The following AFF1 variants were observed in gnomAD, a reference collection of about 807,000 sequenced individuals.
AFF1 encodes the protein AF4/FMR2 family member 1.
Under a neutral mutation model 121.7 loss-of-function variants are expected in AFF1, and 48 were observed. That is an observed-to-expected ratio of 0.39 (90% CI 0.31 to 0.50). The LOEUF (loss-of-function observed/expected upper bound fraction) is 0.50, where lower values mean the gene tolerates loss of function less well. Among genes scored for constraint, AFF1 ranks in the 20% least tolerant of loss-of-function variants. The probability of loss-of-function intolerance (pLI) is 0.76; values close to 1 mark genes in which losing one functional copy is unlikely to be tolerated. For synonymous variants in AFF1, 613 were observed against 563.0 expected, an observed-to-expected ratio of 1.09 and a Z score of -1.26; for missense variants, 1,523 against 1,511.7, an observed-to-expected ratio of 1.01 and a Z score of -0.12.
At chr4:86,960,448 C>T (rs925019724) in intron 2 of AFF1, among the ~76,000 whole-genome samples, 2 of 152,192 alleles carry the variant, frequency 1.3e-5, no homozygotes, top group Admixed American at 1.3e-4. Flanking sequence ...AGGAAAACTC[C>T]TTTATTCCTG....
intron 2 of AFF1, among the ~76,000 whole-genome samples, chr4:86,992,361 C>T (rs1724797649): frequency 6.6e-6 from 1 of 152,148 alleles, no homozygotes; most frequent in African/African-American, 2.4e-5. Flanking sequence ...TGTGCATGCT[C>T]AGTAAATTCA....
chr4:87,046,566 G>T, intron 3 of AFF1, 129 bp from the exon 4 acceptor site: 1 of 1,054,600 alleles, frequency 9.5e-7, no homozygotes. Context: ...GAGTTAAAAT[G>T]GCACATTAAA....
intron 2 of AFF1, among the ~76,000 whole-genome samples, chr4:86,967,153 T>G (rs1167369471): frequency 1.3e-5 from 2 of 152,184 alleles, no homozygotes; most frequent in Non-Finnish European, 2.9e-5. Flanking sequence ...GTAGGAGTAG[T>G]ACCTCAGCAT....
Position 87,032,387 on chromosome 4 carries a change from AGAAAC to A in AFF1, c.39-13776_39-13772del, listed in dbSNP as rs573171798. On this transcript the variant is annotated intron_variant, in intron 2 of 20. Transcript: ENST00000395146. ...TTATGACATTAAGCTTTCTTTCTGT[AGAAAC>A]GAGTGTGGCGTGTGTAATTAAATAA... is the stretch of plus-strand genomic sequence containing the variant. 2.2e-3 allele frequency among the ~76,000 whole-genome samples: 338 copies of A among 152,360 alleles called. 1 individual carries two copies. The highest frequency in any genetic ancestry group is 5.4e-3 in the African/African-American group (224 of 41,580).
chr4:87,085,775 GTCTC>G (rs201595552), intron 5 of AFF1, among the ~76,000 whole-genome samples: 1 of 147,990 alleles, frequency 6.8e-6, no homozygotes, highest in Admixed American at 6.9e-5. Flanking sequence ...TTGAGACAGA[GTCTC>G]TCTCTGTCGC....
At chr4:86,956,166 C>T (rs934030398) in intron 2 of AFF1, among the ~76,000 whole-genome samples, 4 of 152,188 alleles carry the variant, frequency 2.6e-5, no homozygotes, top group Non-Finnish European at 4.4e-5. Context: ...GCCTGATTTA[C>T]AAGTGCAATA....
intron 12 of AFF1, among the ~76,000 whole-genome samples, chr4:87,122,881 TAAA>T (rs3036188): frequency 2.9e-4 from 28 of 96,640 alleles, no homozygotes; most frequent in African/African-American, 7.2e-4. Flanking sequence ...GGAAAATTAG[TAAA>T]AAAAAAAAAA....
At chr4:87,013,091 T>C (rs1038876012) in intron 2 of AFF1, among the ~76,000 whole-genome samples, 2 of 140,598 alleles carry the variant, frequency 1.4e-5, no homozygotes, top group African/African-American at 5.3e-5. Context: ...TTGCCCAGGC[T>C]GGAGTGCAAT....
rs778372462 is a variant in AFF1, at chr4:87,114,690, T to C, written c.1857T>C (p.Ser619=). Residue 619 remains serine (S), a synonymous_variant, in exon 12 of 21, where the codon TCT becomes TCC. Coordinates refer to ENST00000395146, the MANE Select transcript of AFF1 (RefSeq NM_001166693.3). Reference sequence around the variant, plus strand: ...AACCCAAAAAACCTGTCAAGGCCTCTGCCCGGGCAGGTTCACGGACCAGCC... The same window carrying C: ...AACCCAAAAAACCTGTCAAGGCCTCCGCCCGGGCAGGTTCACGGACCAGCC... ...TKQPKKPVKA[S]ARAGSRTSLQ... is the part of the protein sequence containing the mutation. The C allele has an allele frequency of 2.5e-6, 4 of 1,611,208 alleles. No homozygotes were observed. In the Admixed American group the frequency reaches 5.0e-5, roughly 20 times the overall value.
intron 19 of AFF1, among the ~76,000 whole-genome samples, chr4:87,133,866 A>T (rs1302429785): frequency 1.3e-5 from 2 of 152,242 alleles, no homozygotes; most frequent in Non-Finnish European, 2.9e-5. Context: ...GAGGAGATAG[A>T]GTCTTCTGAT....
intron 4 of AFF1, chr4:87,049,867 A>G (rs944492054): frequency 1.6e-5 from 6 of 386,576 alleles, no homozygotes; most frequent in East Asian, 1.5e-4. Context: ...GGAGTCGTCA[A>G]TCCGGGAAGT....
intron 16 of AFF1, among the ~76,000 whole-genome samples, chr4:87,129,321 C>T (rs1229769105): frequency 6.6e-6 from 1 of 152,192 alleles, no homozygotes; most frequent in Non-Finnish European, 1.5e-5. Context: ...TTCTTCTCTA[C>T]GTTATCTTCA....
intron 2 of AFF1, among the ~76,000 whole-genome samples, chr4:87,003,876 T>C (rs1415264443): frequency 6.6e-6 from 1 of 152,242 alleles, no homozygotes; most frequent in African/African-American, 2.4e-5. Flanking sequence ...TGTTGTCCGA[T>C]ATAGATTTCT....
chr4:86,968,729 G>A (rs74824532), intron 2 of AFF1, among the ~76,000 whole-genome samples: 290 of 152,308 alleles, frequency 1.9e-3, no homozygotes, highest in Non-Finnish European at 3.1e-3. Context: ...TATAAATCAC[G>A]AAGGCAGCTC....
At chr4:87,122,669 T>TA (rs1275015257) in intron 12 of AFF1, among the ~76,000 whole-genome samples, 2 of 152,186 alleles carry the variant, frequency 1.3e-5, no homozygotes, top group African/African-American at 4.8e-5. Flanking sequence ...GAGTAGCTGA[T>TA]ATGTTTTTAT....
chr4:86,935,187 G>C lies in AFF1; in HGVS notation c.-90G>C, dbSNP rs1411443225. On this transcript the variant is annotated 5_prime_UTR_variant, in exon 1 of 21. Transcript: ENST00000395146. Reference sequence around the variant, plus strand: ...TCCCACCGCAACAGGTCAGGGGAGGGCGGAGGTGACGAGGGCGCCCGACCC... The same window carrying C: ...TCCCACCGCAACAGGTCAGGGGAGGCCGGAGGTGACGAGGGCGCCCGACCC... 6.6e-6 allele frequency: 1 copy of C among 152,394 alleles called. No homozygotes were observed. The highest frequency in any genetic ancestry group is 2.4e-5 in the African/African-American group (1 of 41,476). The allele number at this position is 152,394 out of a possible 1,614,324, so 9.4% of individuals were successfully genotyped here. A position where few individuals can be genotyped will look rare whatever the true frequency, so the allele number is the denominator to read the frequency against.
intron 5 of AFF1, among the ~76,000 whole-genome samples, chr4:87,088,735 C>T (rs1723987488): frequency 6.6e-6 from 1 of 152,112 alleles, no homozygotes; most frequent in East Asian, 1.9e-4. Context: ...GCTGGGATTA[C>T]AGGCATGTAC....
At position 87,135,567 on chromosome 4, in the gene AFF1, GTT is replaced by G. The variant is rs56703224; in HGVS notation, c.3536-6_3536-5del. On this transcript the variant is annotated splice_polypyrimidine_tract_variant and intron_variant, in intron 20 of 20. Transcript: ENST00000395146. ...TATTTACTTGTTTTTGTTTTGTTTT[GTT>G]TTTTTTGCAGAATTCTTTGCTCGGC... 1.3e-5 allele frequency: 20 copies of G among 1,527,066 alleles called. No homozygotes were observed. Among genetic ancestry groups the G allele is most frequent in the Non-Finnish European group, 1.8e-5 (20 of 1,136,130 alleles). 94.6% of individuals were successfully genotyped at this position (1,527,066 alleles called of 1,614,324 possible).
intron 2 of AFF1, among the ~76,000 whole-genome samples, chr4:87,020,111 AACT>A (rs1482888599): frequency 6.6e-6 from 1 of 152,226 alleles, no homozygotes; most frequent in East Asian, 1.9e-4. Flanking sequence ...GATCACAATA[AACT>A]ACTGTAGGAA....
Sources: gnomAD v4.1 joint callset for allele counts (sites outside exome capture counted in the v4.1 genomes callset) on GRCh38, gnomAD v4.1.1 for gene constraint, MANE v1.5 for transcripts, NCBI Gene and HGNC (gene_info 2026-07-23, HGNC 2026-07-21) for gene names.